Variants in UNC79 observed in about 807,000 individuals in gnomAD.
The protein encoded by UNC79 is unc-79 subunit of NALCN channel complex.
UNC79 carries 37 observed loss-of-function variants against 283.1 expected under a neutral mutation model. That is an observed-to-expected ratio of 0.13 (90% confidence interval 0.10 to 0.17). The LOEUF (loss-of-function observed/expected upper bound fraction) is 0.17, where lower values mean the gene tolerates loss of function less well. Among genes scored for constraint, UNC79 ranks in the 10% least tolerant of loss-of-function variants. The pLI is 1.00. For synonymous variants in UNC79, 1,107 were observed against 1,200.2 expected (o/e 0.92, Z 1.61); for missense variants, 2,272 against 3,211.1 (o/e 0.71, Z 7.07).
At chr14:93,675,027 G>A (rs912932761) in intron 41 of UNC79, among the ~76,000 whole-genome samples, 1 of 152,184 alleles carries the variant, frequency 6.6e-6, no homozygotes, top group Non-Finnish European at 1.5e-5. Context: ...GCCTGTGGCT[G>A]CCTAGAGGAA....
chr14:93,361,306 A>T (rs959648887), intron 1 of UNC79, among the ~76,000 whole-genome samples: 1 of 150,962 alleles, frequency 6.6e-6, no homozygotes, highest in Non-Finnish European at 1.5e-5. Context: ...TAGGCAACAC[A>T]TTCCTCATTT....
At chr14:93,598,343 G>T (rs1327805452) in intron 24 of UNC79, among the ~76,000 whole-genome samples, 1 of 149,158 alleles carries the variant, frequency 6.7e-6, no homozygotes, top group Non-Finnish European at 1.5e-5. Flanking sequence ...TATTACTTTG[G>T]ACAGATGTAA....
chr14:93,557,370 CA>C (rs2062234993), intron 14 of UNC79, among the ~76,000 whole-genome samples: 1 of 118,976 alleles, frequency 8.4e-6, no homozygotes, highest in Non-Finnish European at 2.0e-5. Flanking sequence ...TAGTGACCAA[CA>C]AGGAATATGC....
At chr14:93,593,798 A>G in exon 23 of UNC79, 1 of 1,613,990 alleles carries the variant, frequency 6.2e-7, no homozygotes, top group Non-Finnish European at 8.5e-7. Flanking sequence ...CATAAATGGC[A>G]ATTTCAACAG....
intron 7 of UNC79, among the ~76,000 whole-genome samples, chr14:93,522,886 T>A (rs1244008135): frequency 6.6e-6 from 1 of 152,146 alleles, no homozygotes; most frequent in Non-Finnish European, 1.5e-5. Flanking sequence ...AACAATGGGA[T>A]AGAAAGTTTG....
intron 23 of UNC79, among the ~76,000 whole-genome samples, chr14:93,596,466 C>T (rs1410905499): frequency 6.6e-6 from 1 of 152,146 alleles, no homozygotes; most frequent in Non-Finnish European, 1.5e-5. Context: ...GAAACCCTGT[C>T]TCTACTAAAA....
chr14:93,395,473 G>T (rs754262230), intron 1 of UNC79, among the ~76,000 whole-genome samples: 4 of 152,094 alleles, frequency 2.6e-5, no homozygotes, highest in South Asian at 4.1e-4. Flanking sequence ...AGCAAAGAGG[G>T]AAATGTTACA....
Position 93,418,470 on chromosome 14 carries a change from G to A in UNC79, c.-350-49201G>A, listed in dbSNP as rs938817607. On this transcript the variant is annotated intron_variant, in intron 1 of 49. Coordinates refer to the UNC79 transcript ENST00000256339. ...CAGTTAGGCTGCTCGGGGGTCAGGA[G>A]TCAGGGACCCACTTGAGGAGGCAGT... Among the ~76,000 whole-genome samples the A allele has an allele frequency of 1.3e-5, 2 of 151,790 alleles. 1 individual carries two copies. The highest frequency in any genetic ancestry group is 4.3e-4 in the South Asian group (2 of 4,688).
At chr14:93,706,661 C>CGTGAAAAGAAATAAAA (rs2075902671) in intron 48 of UNC79, 43 bp from the exon 52 acceptor site, 1 of 1,608,484 alleles carries the variant, frequency 6.2e-7, no homozygotes. Flanking sequence ...CTGGGTTGCC[C>CGTGAAAAGAAATAAAA]GTGAAAAGAA....
chr14:93,543,904 T>C (rs1039885877), intron 14 of UNC79, among the ~76,000 whole-genome samples: 3 of 152,350 alleles, frequency 2.0e-5, no homozygotes, highest in African/African-American at 7.2e-5. Context: ...GTAACTTTTA[T>C]TGGATTTTCA....
intron 45 of UNC79, 149 bp from the exon 49 acceptor site, chr14:93,691,600 T>C (rs757806605): frequency 1.3e-4 from 101 of 770,330 alleles, no homozygotes; most frequent in Non-Finnish European, 2.1e-4. Flanking sequence ...TTCAAGGTGA[T>C]GAATCATGAC....
At chr14:93,420,020 C>A (rs1471160831) in intron 1 of UNC79, among the ~76,000 whole-genome samples, 18 of 151,094 alleles carry the variant, frequency 1.2e-4, no homozygotes, top group African/African-American at 4.1e-4. Context: ...ATTATCTTCC[C>A]TAAAAGGAAG....
intron 28 of UNC79, 30 bp from the exon 30 acceptor site, chr14:93,618,162 T>C (rs769779814): frequency 6.3e-7 from 1 of 1,593,826 alleles, no homozygotes; most frequent in South Asian, 1.1e-5. Flanking sequence ...AATAACCATT[T>C]ATCTTTTTCT....
intron 1 of UNC79, among the ~76,000 whole-genome samples, chr14:93,407,436 C>T (rs2055249019): frequency 6.6e-6 from 1 of 152,188 alleles, no homozygotes; most frequent in Non-Finnish European, 1.5e-5. Context: ...AGGGCCTAGA[C>T]TTGTGGGGAG....
At chr14:93,371,843 A>G (rs541152424) in intron 1 of UNC79, among the ~76,000 whole-genome samples, 7 of 152,318 alleles carry the variant, frequency 4.6e-5, no homozygotes, top group African/African-American at 1.7e-4. Flanking sequence ...CCGTCTCAAA[A>G]AAAAAAACCA....
At chr14:93,376,891 ATATAT>A (rs1189295003) in intron 1 of UNC79, among the ~76,000 whole-genome samples, 1 of 148,062 alleles carries the variant, frequency 6.8e-6, no homozygotes, top group African/African-American at 2.5e-5. Flanking sequence ...TATATAAAAT[ATATAT>A]TATATGTTAT....
Position 93,378,873 on chromosome 14 carries a change from C to T in UNC79, c.-351+45350C>T, listed in dbSNP as rs540701012. Among the ~76,000 whole-genome samples, 52 of 152,132 alleles carry T rather than the reference C, an allele frequency of 3.4e-4. No homozygotes were observed. In the South Asian group the frequency reaches 4.8e-3, roughly 14 times the overall value. On this transcript the variant is annotated intron_variant, in intron 1 of 49. Coordinates refer to the UNC79 transcript ENST00000256339. ...TCAGTGTGATGTATTTAAGAAAAAG[C>T]GAAAACTTAGATACATGGTAGCACT...
chr14:93,595,601 C>T (rs1303024210), intron 23 of UNC79, among the ~76,000 whole-genome samples: 1 of 152,076 alleles, frequency 6.6e-6, no homozygotes, highest in African/African-American at 2.4e-5. Flanking sequence ...CTGGGCTCTC[C>T]ACCTTTCATC....
At chr14:93,398,832 A>G (rs1438517580) in intron 1 of UNC79, among the ~76,000 whole-genome samples, 1 of 152,180 alleles carries the variant, frequency 6.6e-6, no homozygotes, top group African/African-American at 2.4e-5. Flanking sequence ...CAAGAGGTTA[A>G]AGGACTGTGG....
Sources: gnomAD v4.1 joint callset for allele counts (sites outside exome capture counted in the v4.1 genomes callset) on GRCh38, gnomAD v4.1.1 for gene constraint, MANE v1.5 for transcripts, NCBI Gene and HGNC (gene_info 2026-07-23, HGNC 2026-07-21) for gene names.